The following PHAF1 variants were observed in gnomAD, a reference collection of about 807,000 sequenced individuals.
PHAF1 encodes the protein phagophore assembly factor 1, also known as phagosome assembly factor 1.
A neutral mutation model predicts 63.1 loss-of-function variants in PHAF1; 23 were observed. That is an observed-to-expected ratio of 0.36 (90% CI 0.26 to 0.52). The LOEUF (loss-of-function observed/expected upper bound fraction) is 0.52. PHAF1 is among the 20% of genes least tolerant of loss of function. The probability of loss-of-function intolerance (pLI) is 0.93; values close to 1 mark genes in which losing one functional copy is unlikely to be tolerated. For missense variants in PHAF1, 427 were observed against 517.2 expected (o/e 0.83, Z 1.69); for synonymous variants, 167 against 185.0 (o/e 0.90, Z 0.79).
chr16:67,128,292 T>A (rs765973041), intron 3 of PHAF1, among the ~76,000 whole-genome samples: 4 of 152,156 alleles, frequency 2.6e-5, no homozygotes, highest in Non-Finnish European at 4.4e-5. Context: ...GGGAGGTACC[T>A]TTGGATAGGA....
chr16:67,120,317 C>T (rs1962920228), intron 2 of PHAF1, 123 bp downstream of exon 2: 1 of 822,934 alleles, frequency 1.2e-6, no homozygotes, highest in Non-Finnish European at 1.9e-6. Flanking sequence ...GAATCTCTAG[C>T]ACCAGCCAGT....
intron 4 of PHAF1, 109 bp from the exon 5 acceptor site, chr16:67,132,337 A>G (rs1963435797): frequency 2.1e-6 from 2 of 952,794 alleles, no homozygotes; most frequent in Non-Finnish European, 3.2e-6. Context: ...TGATATAATT[A>G]GAGACTCACC....
intron 5 of PHAF1, 33 bp downstream of exon 5, chr16:67,132,558 C>T: frequency 6.3e-7 from 1 of 1,597,266 alleles, no homozygotes; most frequent in Non-Finnish European, 8.6e-7. Flanking sequence ...CTCTGGTCAT[C>T]AGTGGCAGTT....
chr16:67,140,012 C>G lies in PHAF1; in HGVS notation c.690C>G (p.Ala230=). 1 of 1,614,076 alleles carries G rather than the reference C, an allele frequency of 6.2e-7. No homozygotes were observed. Among genetic ancestry groups the G allele is most frequent in the Non-Finnish European group, 8.5e-7 (1 of 1,180,002 alleles). Reference sequence around the variant, plus strand: ...GTGGACCTGGCCTATTAGCAGATGCCAAGATGCGGGTATTTGAACGTTCAG... The same window carrying G: ...GTGGACCTGGCCTATTAGCAGATGCGAAGATGCGGGTATTTGAACGTTCAG... The part of the protein sequence containing the change: ...AGCGPGLLAD[A]KMRVFERSVY... The change falls in exon 9 of 16, where the codon GCC becomes GCG. Residue 230 remains alanine, a synonymous_variant. Coordinates refer to ENST00000219139, the MANE Select transcript of PHAF1 (RefSeq NM_025187.5).
At chr16:67,145,273 C>A in intron 12 of PHAF1, 103 bp from the exon 13 acceptor site, 1 of 1,329,412 alleles carries the variant, frequency 7.5e-7, no homozygotes. Flanking sequence ...CCATGTACTC[C>A]AACCCCAGTG....
At chr16:67,124,644 G>A (rs1963110970) in intron 2 of PHAF1, among the ~76,000 whole-genome samples, 1 of 152,206 alleles carries the variant, frequency 6.6e-6, no homozygotes, top group African/African-American at 2.4e-5. Flanking sequence ...ACCACTTTGG[G>A]AGGCTGAGGC....
chr16:67,143,249 G>A (rs1567654789), intron 10 of PHAF1, among the ~76,000 whole-genome samples: 2 of 152,180 alleles, frequency 1.3e-5, no homozygotes, highest in African/African-American at 4.8e-5. Context: ...CAAGAACCAG[G>A]TGACTTGGCC....
chr16:67,139,845 G>A (rs1333116240), intron 8 of PHAF1, 139 bp from the exon 9 acceptor site: 2 of 895,456 alleles, frequency 2.2e-6, no homozygotes, highest in Non-Finnish European at 1.8e-6. Context: ...CTGGTGACCT[G>A]ATGTTTCTGA....
chr16:67,135,946 T>C (rs1963589742), intron 8 of PHAF1: 1 of 152,206 alleles, frequency 6.6e-6, no homozygotes, highest in Admixed American at 6.5e-5. Context: ...CAGACGGGAC[T>C]TGTTGAATTG....
chr16:67,147,141 C>T lies in PHAF1; in HGVS notation c.*10C>T, dbSNP rs529399786. The stretch of plus-strand genomic sequence containing the variant: ...AGCGGAACTCCCCTAGGGACACCAC[C>T]ACCCATGCCCCTCTGTCCCGTGGAA... On this transcript the variant is annotated 3_prime_UTR_variant, in exon 16 of 16. Transcript: ENST00000219139. The T allele has an allele frequency of 5.3e-5, 84 of 1,597,596 alleles. No individual in the cohort carries two copies. The South Asian group carries it at 8.7e-4, about 17-fold the overall frequency.
At chr16:67,143,488 C>T (rs1439815460) in intron 10 of PHAF1, among the ~76,000 whole-genome samples, 1 of 152,226 alleles carries the variant, frequency 6.6e-6, no homozygotes, top group Non-Finnish European at 1.5e-5. Flanking sequence ...ATTCTCTTGG[C>T]TCTGCTGCTT....
rs563144546 is a variant in PHAF1 at position 67,131,796 on chromosome 16, C to G, written c.275+467C>G. ...TTACAGCGGGGATGACATGCACAGT[C>G]CAAAGTTGTTGCGCCCCCATTATGG... is the stretch of plus-strand genomic sequence containing the variant. On this transcript the variant is annotated intron_variant, in intron 4 of 15. Coordinates refer to ENST00000219139, the MANE Select transcript of PHAF1 (RefSeq NM_025187.5). 2.0e-5 allele frequency among the ~76,000 whole-genome samples: 3 copies of G among 152,326 alleles called. No individual in the cohort carries two copies. The East Asian group carries it at 5.8e-4, about 29-fold the overall frequency.
chr16:67,110,808 C>G (rs1170151076), intron 1 of PHAF1, among the ~76,000 whole-genome samples: 2 of 152,118 alleles, frequency 1.3e-5, no homozygotes, highest in East Asian at 3.9e-4. Flanking sequence ...ACTTGCTTCT[C>G]TCTTTTTTTT....
At chr16:67,110,295 G>A in intron 1 of PHAF1, 56 bp downstream of exon 1, 1 of 1,534,270 alleles carries the variant, frequency 6.5e-7, no homozygotes, top group Non-Finnish European at 8.8e-7. Context: ...TTTCTCCTGG[G>A]CTCTTCCCAC....
Position 67,145,648 on chromosome 16 carries a change from C to T in PHAF1, c.1109+20C>T, listed in dbSNP as rs1205027860. On this transcript the variant is annotated intron_variant, in intron 14 of 15. Coordinates refer to ENST00000219139, the MANE Select transcript of PHAF1 (RefSeq NM_025187.5). ...GCACAGGTGAGTGGGAGTTTGATGTCCCCGGCCACCCCACCTGACTCCTCA... is the reference window on the plus strand; with the variant it reads ...GCACAGGTGAGTGGGAGTTTGATGTTCCCGGCCACCCCACCTGACTCCTCA... The T allele has an allele frequency of 3.7e-6, 6 of 1,603,716 alleles. No individual in the cohort carries two copies. The highest frequency in any genetic ancestry group is 4.3e-6 in the Non-Finnish European group (5 of 1,175,670).
At chr16:67,112,566 G>A (rs1220182240) in intron 1 of PHAF1, among the ~76,000 whole-genome samples, 1 of 151,796 alleles carries the variant, frequency 6.6e-6, no homozygotes, top group Non-Finnish European at 1.5e-5. Context: ...TAGTTACTAG[G>A]ATATTAATTG....
chr16:67,124,169 C>T (rs536485743), intron 2 of PHAF1, among the ~76,000 whole-genome samples: 27 of 152,098 alleles, frequency 1.8e-4, no homozygotes, highest in Non-Finnish European at 3.5e-4. Flanking sequence ...CACATGCCTC[C>T]TCCAAGCAAG....
chr16:67,110,288 C>T, intron 1 of PHAF1, 49 bp downstream of exon 1: 4 of 1,538,826 alleles, frequency 2.6e-6, no homozygotes, highest in Non-Finnish European at 3.5e-6. Context: ...TCCTTGCTTT[C>T]TCCTGGGCTC....
At chr16:67,127,927 T>C (rs950963212) in intron 3 of PHAF1, among the ~76,000 whole-genome samples, 2 of 152,206 alleles carry the variant, frequency 1.3e-5, no homozygotes, top group African/African-American at 4.8e-5. Flanking sequence ...GGTAACGGTA[T>C]TTCATGGTAA....
Sources: gnomAD v4.1 joint callset for allele counts (sites outside exome capture counted in the v4.1 genomes callset) on GRCh38, gnomAD v4.1.1 for gene constraint, MANE v1.5 for transcripts, NCBI Gene and HGNC (gene_info 2026-07-23, HGNC 2026-07-21) for gene names.